The following PCYT1B variants were observed in gnomAD, a reference collection of about 807,000 sequenced individuals.
PCYT1B encodes phosphate cytidylyltransferase 1B, choline, also known as choline-phosphate cytidylyltransferase B.
PCYT1B carries 10 observed loss-of-function variants against 26.4 expected under a neutral mutation model. That is an observed-to-expected ratio of 0.38 (90% CI 0.23 to 0.64). The LOEUF is 0.64. Among genes scored for constraint, PCYT1B ranks in the 30% least tolerant of loss-of-function variants. The pLI is 0.56. For synonymous variants in PCYT1B, 131 were observed against 108.4 expected (o/e 1.21, Z -1.29); for missense variants, 161 against 292.7 (o/e 0.55, Z 3.28).
At chrX:24,623,957 C>T (rs769756402) in intron 1 of PCYT1B, among the ~76,000 whole-genome samples, 75 of 106,378 alleles carry the variant, frequency 7.1e-4, no homozygotes, top group African/African-American at 2.5e-3. Flanking sequence ...CTTGTTTAAG[C>T]TAAGCTATAC....
intron 1 of PCYT1B, among the ~76,000 whole-genome samples, chrX:24,624,725 C>T: frequency 8.9e-6 from 1 of 112,015 alleles, no homozygotes; most frequent in Non-Finnish European, 1.9e-5. Context: ...CCAAAATTCA[C>T]AGCTTCTGTG....
At chrX:24,624,269 A>C (rs749168984) in intron 1 of PCYT1B, among the ~76,000 whole-genome samples, 59 of 111,587 alleles carry the variant, frequency 5.3e-4, no homozygotes, top group Admixed American at 3.7e-3. Flanking sequence ...GCGCCCGGCC[A>C]AGCTAAGCTA....
chrX:24,634,085 A>T (rs1423863226), intron 1 of PCYT1B, among the ~76,000 whole-genome samples: 1 of 107,156 alleles, frequency 9.3e-6, no homozygotes, highest in African/African-American at 3.4e-5. Flanking sequence ...TCATCTAATT[A>T]AAAAAAAAAA....
chrX:24,619,322 A>G (rs1381144919), intron 1 of PCYT1B, among the ~76,000 whole-genome samples: 2 of 111,987 alleles, frequency 1.8e-5, no homozygotes, highest in Non-Finnish European at 3.8e-5. Context: ...TGTCTATAGT[A>G]TGCCAGGTAC....
intron 7 of PCYT1B, among the ~76,000 whole-genome samples, chrX:24,572,184 A>T (rs1923849335): frequency 9.0e-6 from 1 of 110,832 alleles, no homozygotes; most frequent in Non-Finnish European, 1.9e-5. Context: ...AAAGTCCTGT[A>T]CCTAGCACCA....
At chrX:24,613,540 A>G (rs1486797387) in intron 2 of PCYT1B, among the ~76,000 whole-genome samples, 1 of 112,094 alleles carries the variant, frequency 8.9e-6, no homozygotes, top group African/African-American at 3.2e-5. Flanking sequence ...AGGCAGATTC[A>G]TTAAGGCGGC....
At chrX:24,638,679 G>T (rs1174002383) in intron 1 of PCYT1B, among the ~76,000 whole-genome samples, 1 of 111,367 alleles carries the variant, frequency 9.0e-6, no homozygotes, top group East Asian at 2.8e-4. Flanking sequence ...AGCTTTGTGT[G>T]GGGCACCAGC....
intron 2 of PCYT1B, among the ~76,000 whole-genome samples, chrX:24,616,703 G>A (rs1403813813): frequency 8.9e-6 from 1 of 111,895 alleles, no homozygotes; most frequent in African/African-American, 3.2e-5. Flanking sequence ...GAATGAAACA[G>A]GAAATCTGCT....
At chrX:24,630,487 G>C (rs1926042468) in intron 1 of PCYT1B, among the ~76,000 whole-genome samples, 4 of 111,149 alleles carry the variant, frequency 3.6e-5, no homozygotes, top group Admixed American at 1.9e-4. Context: ...GCTAGAGATG[G>C]GGTTTCACCG....
chrX:24,568,068 G>A (rs1374344070), intron 7 of PCYT1B, among the ~76,000 whole-genome samples: 2 of 112,350 alleles, frequency 1.8e-5, no homozygotes, highest in Non-Finnish European at 1.9e-5. Flanking sequence ...TTTATCTGCC[G>A]AAAAGAAATG....
chrX:24,572,918 T>TTATATATATATA (rs371692891), intron 7 of PCYT1B, among the ~76,000 whole-genome samples: 76 of 96,301 alleles, frequency 7.9e-4, no homozygotes, highest in African/African-American at 2.6e-3. Flanking sequence ...TTTCATCAAA[T>TTATATATATATA]TATATATATA....
chrX:24,602,367 A>AT (rs887365792), intron 3 of PCYT1B, among the ~76,000 whole-genome samples: 1 of 112,146 alleles, frequency 8.9e-6, no homozygotes, highest in African/African-American at 3.2e-5. Flanking sequence ...AGCATATAGG[A>AT]TTTTTAGGGC....
intron 1 of PCYT1B, among the ~76,000 whole-genome samples, chrX:24,661,765 C>A (rs1006033167): frequency 2.7e-5 from 3 of 111,955 alleles, no homozygotes; most frequent in African/African-American, 9.7e-5. Flanking sequence ...TTATTTGAAT[C>A]CTAATTCAAA....
intron 7 of PCYT1B, among the ~76,000 whole-genome samples, chrX:24,566,076 T>C (rs1403041026): frequency 1.8e-5 from 2 of 112,121 alleles, no homozygotes; most frequent in East Asian, 5.6e-4. Flanking sequence ...TAAAAATTTG[T>C]TACAGCTAGT....
chrX:24,613,674 C>T (rs5944653), intron 2 of PCYT1B, among the ~76,000 whole-genome samples: 54,816 of 109,001 alleles, frequency 0.5, 10,312 homozygotes, highest in East Asian at 0.7. Flanking sequence ...AGTTTAGGGC[C>T]GGGTACAGTG....
At chrX:24,638,022 G>C (rs1029911435) in intron 1 of PCYT1B, among the ~76,000 whole-genome samples, 13 of 111,076 alleles carry the variant, frequency 1.2e-4, no homozygotes, top group African/African-American at 4.3e-4. Flanking sequence ...CATGTACCAG[G>C]AATGGGCTTT....
intron 1 of PCYT1B, among the ~76,000 whole-genome samples, chrX:24,656,704 C>T (rs1459334683): frequency 1.9e-5 from 2 of 107,132 alleles, no homozygotes; most frequent in African/African-American, 6.8e-5. Flanking sequence ...TACAGGCATG[C>T]GCCACCACAC....
intron 1 of PCYT1B, among the ~76,000 whole-genome samples, chrX:24,666,610 T>A (rs201011144): frequency 3.5e-4 from 14 of 40,343 alleles, no homozygotes; most frequent in African/African-American, 8.6e-4. Context: ...TGTGTGAGTG[T>A]GTGTGTGTGT....
intron 1 of PCYT1B, among the ~76,000 whole-genome samples, chrX:24,624,616 C>T (rs561069211): frequency 1.8e-5 from 2 of 111,902 alleles, no homozygotes; most frequent in East Asian, 2.8e-4. Flanking sequence ...GGTTGGGAAG[C>T]GTGCAAAACA....
Sources: allele counts gnomAD v4.1 joint callset (sites outside exome capture counted in the v4.1 genomes callset), GRCh38; gene constraint gnomAD v4.1.1; transcripts MANE v1.5; gene names NCBI Gene and HGNC (gene_info 2026-07-23, HGNC 2026-07-21).